IPO11: variants seen among roughly 807,000 people sequenced by gnomAD.
The protein encoded by IPO11 is importin-11.
In IPO11, 66 loss-of-function variants were observed where a neutral mutation model predicts 143.2. That is an observed-to-expected ratio of 0.46 (90% confidence interval 0.38 to 0.57). The LOEUF (loss-of-function observed/expected upper bound fraction) is 0.57, where lower values mean the gene tolerates loss of function less well. Ranked by LOEUF, IPO11 falls within the 20% of genes least tolerant of loss-of-function variation. The pLI, the probability that IPO11 is intolerant of heterozygous loss-of-function variation, is 0.00. For missense variants in IPO11, 1,026 were observed against 1,141.0 expected (o/e 0.90, Z 1.45); for synonymous variants, 385 against 377.8 (o/e 1.02, Z -0.22).
intron 16 of IPO11, among the ~76,000 whole-genome samples, chr5:62,499,056 C>T (rs191830939): frequency 3.9e-5 from 6 of 152,198 alleles, no homozygotes; most frequent in Non-Finnish European, 7.4e-5. Context: ...GCTTGTGAAG[C>T]AAAGAAATGG....
At chr5:62,536,208 A>G (rs558758977) in intron 22 of IPO11, among the ~76,000 whole-genome samples, 1 of 152,318 alleles carries the variant, frequency 6.6e-6, no homozygotes, top group African/African-American at 2.4e-5. Context: ...ATTTAAGCAG[A>G]TGTCAAAATA....
At chr5:62,452,540 G>T (rs531847105) in intron 5 of IPO11, among the ~76,000 whole-genome samples, 1 of 150,968 alleles carries the variant, frequency 6.6e-6, no homozygotes, top group Non-Finnish European at 1.5e-5. Context: ...TGACATTTAG[G>T]AGGAGAATTG....
rs1372215383 is a variant in IPO11, at chr5:62,529,319, AC to A, written c.2013-1389del. On this transcript the variant is annotated intron_variant, in intron 21 of 29. Transcript: ENST00000325324. ...AAATGTAATATGATCATTTAAAAAA[AC>A]AAATTTGATTGCTTTTTGCTGTTTA... Among the ~76,000 whole-genome samples the A allele has an allele frequency of 1.1e-4, 17 of 152,232 alleles. No homozygotes were observed. The East Asian group carries it at 3.3e-3, about 29-fold the overall frequency.
rs1370354639 is a variant in IPO11, at chr5:62,598,525, TC to T, written c.2679-3238del. On this transcript the variant is annotated intron_variant, in intron 28 of 29. Coordinates refer to ENST00000325324, the MANE Select transcript of IPO11 (RefSeq NM_016338.5). The stretch of plus-strand genomic sequence containing the variant: ...TTCTTTCTTTCTTTCTTTCTTTCTT[TC>T]TTTTCTTTCTTTTCTTTCTTTTCTT... Among the ~76,000 whole-genome samples, 3 of 12,356 alleles carry T rather than the reference TC, an allele frequency of 2.4e-4. 1 individual carries two copies. The highest frequency in any genetic ancestry group is 3.5e-4 in the Non-Finnish European group (3 of 8,598). 8.1% of individuals were successfully genotyped at this position (12,356 alleles called of 152,430 possible). A position where few individuals can be genotyped will look rare whatever the true frequency, so the allele number is the denominator to read the frequency against.
chr5:62,511,462 A>T (rs1267555678), intron 19 of IPO11, among the ~76,000 whole-genome samples: 1 of 150,214 alleles, frequency 6.7e-6, no homozygotes, highest in African/African-American at 2.5e-5. Flanking sequence ...ATTACATGAT[A>T]AATATGTTAA....
chr5:62,598,563 T>C lies in IPO11; in HGVS notation c.2679-3201T>C, dbSNP rs200937576. On this transcript the variant is annotated intron_variant, in intron 28 of 29. Transcript: ENST00000325324. ...TTCTTTCTTTTCTTTCTTTTTTTTTTTTATGGAGTCTTGCCCTGTTGCCCA... is the reference window on the plus strand; with the variant it reads ...TTCTTTCTTTTCTTTCTTTTTTTTTCTTATGGAGTCTTGCCCTGTTGCCCA... 6.9e-4 allele frequency among the ~76,000 whole-genome samples: 13 copies of C among 18,732 alleles called. 3 individuals carry two copies. In the African/African-American group the frequency reaches 8.4e-3, roughly 12 times the overall value. 12.3% of individuals were successfully genotyped at this position (18,732 alleles called of 152,430 possible).
chr5:62,487,568 TTTTA>T (rs1746454707), intron 12 of IPO11, among the ~76,000 whole-genome samples, 199 bp from the exon 13 acceptor site: 1 of 152,194 alleles, frequency 6.6e-6, no homozygotes, highest in South Asian at 2.1e-4. Context: ...ATCAACTTTC[TTTTA>T]TTAATTATAA....
rs1004356941 is a variant in IPO11 at position 62,412,802 on chromosome 5, G to A, written c.-134G>A. The A allele has an allele frequency of 6.5e-6, 1 of 152,728 alleles. No individual in the cohort carries two copies. Among genetic ancestry groups the A allele is most frequent in the African/African-American group, 2.4e-5 (1 of 41,476 alleles). 9.5% of individuals were successfully genotyped at this position (152,728 alleles called of 1,614,324 possible). A position where few individuals can be genotyped will look rare whatever the true frequency, so the allele number is the denominator to read the frequency against. ...CGACGCCAAACATGGCGTGTTCCTA[G>A]AAGCCGCTTTCGGCATCAGTAGGCG... On this transcript the variant is annotated 5_prime_UTR_variant, in exon 1 of 30. An upstream open reading frame in the 5' UTR loses its in-frame stop. Transcript: ENST00000325324.
intron 2 of IPO11, among the ~76,000 whole-genome samples, chr5:62,442,347 A>G (rs1348754781): frequency 1.3e-5 from 2 of 152,090 alleles, no homozygotes; most frequent in South Asian, 2.1e-4. Flanking sequence ...AAAAATAATT[A>G]GGTTTGCTTG....
At chr5:62,433,608 C>T (rs982637392) in intron 1 of IPO11, among the ~76,000 whole-genome samples, 2 of 152,088 alleles carry the variant, frequency 1.3e-5, no homozygotes, top group African/African-American at 2.4e-5. Flanking sequence ...AAATAGGTGC[C>T]CCAAAAATGT....
intron 20 of IPO11, among the ~76,000 whole-genome samples, chr5:62,519,127 A>T (rs1742124912): frequency 6.6e-6 from 1 of 152,202 alleles, no homozygotes; most frequent in Admixed American, 6.5e-5. Flanking sequence ...TAAATAAAAC[A>T]AGAAGTGTTA....
chr5:62,600,141 C>T (rs200280778), intron 28 of IPO11, among the ~76,000 whole-genome samples: 14 of 152,260 alleles, frequency 9.2e-5, no homozygotes, highest in African/African-American at 3.1e-4. Flanking sequence ...TGGGTTCAGG[C>T]AATTTCTCCC....
intron 5 of IPO11, among the ~76,000 whole-genome samples, chr5:62,466,259 G>A (rs139626033): frequency 6.6e-6 from 1 of 152,246 alleles, no homozygotes; most frequent in African/African-American, 2.4e-5. Flanking sequence ...TGGTGAAGCC[G>A]TTTTAATGGC....
intron 27 of IPO11, chr5:62,581,367 C>T (rs1744553940): frequency 4.1e-6 from 5 of 1,218,154 alleles, no homozygotes; most frequent in Admixed American, 3.4e-5. Context: ...AAACTGAAAC[C>T]TCCTTATATA....
chr5:62,598,495 T>C (rs1745346878), intron 28 of IPO11, among the ~76,000 whole-genome samples: 1 of 5,078 alleles, frequency 2.0e-4, no homozygotes, highest in African/African-American at 3.4e-3. Context: ...TCTCTCTCTC[T>C]TTCTTTCTTT....
At chr5:62,585,328 A>G (rs892955306) in intron 27 of IPO11, among the ~76,000 whole-genome samples, 3 of 152,068 alleles carry the variant, frequency 2.0e-5, no homozygotes, top group Admixed American at 6.6e-5. Flanking sequence ...CTTTAACACC[A>G]TTGTCTAGAA....
chr5:62,434,305 T>TG (rs936839035), intron 1 of IPO11, among the ~76,000 whole-genome samples: 13 of 151,772 alleles, frequency 8.6e-5, no homozygotes, highest in African/African-American at 1.2e-4. Flanking sequence ...CAGTCTTTTT[T>TG]TTTGTTTGTT....
chr5:62,586,767 A>ATG (rs1561375272), intron 27 of IPO11, among the ~76,000 whole-genome samples: 1 of 55,996 alleles, frequency 1.8e-5, no homozygotes, highest in Non-Finnish European at 3.4e-5. Flanking sequence ...AAAAAAAAAA[A>ATG]AATATATATA....
chr5:62,596,038 C>T (rs1745199512), intron 28 of IPO11, among the ~76,000 whole-genome samples: 3 of 150,802 alleles, frequency 2.0e-5, no homozygotes, highest in South Asian at 2.1e-4. Flanking sequence ...ACGGTAGAAT[C>T]GCTTGAGCCC....
Sources: gnomAD v4.1 joint callset for allele counts (sites outside exome capture counted in the v4.1 genomes callset) on GRCh38, gnomAD v4.1.1 for gene constraint, MANE v1.5 for transcripts, NCBI Gene and HGNC (gene_info 2026-07-23, HGNC 2026-07-21) for gene names.